Variants in EIF2B3 observed in about 807,000 individuals in gnomAD.
EIF2B3 encodes eukaryotic translation initiation factor 2B subunit gamma.
A neutral mutation model predicts 54.1 loss-of-function variants in EIF2B3; 20 were observed. The observed-to-expected ratio is 0.37, with a 90% CI of 0.26 to 0.54. The LOEUF (loss-of-function observed/expected upper bound fraction) is 0.54. Ranked by LOEUF, EIF2B3 falls within the 20% of genes least tolerant of loss-of-function variation. The probability of loss-of-function intolerance (pLI) is 0.86; values close to 1 mark genes in which losing one functional copy is unlikely to be tolerated. For missense variants in EIF2B3, 448 were observed against 547.8 expected (o/e 0.82, Z 1.82); for synonymous variants, 153 against 188.1 (o/e 0.81, Z 1.52).
intron 5 of EIF2B3, among the ~76,000 whole-genome samples, chr1:44,923,865 A>G (rs1643799883): frequency 6.6e-6 from 1 of 151,190 alleles, no homozygotes; most frequent in Non-Finnish European, 1.5e-5. Flanking sequence ...GTGCAGTAGT[A>G]CAATCATGGC....
At chr1:44,871,756 G>C (rs1017863049) in intron 10 of EIF2B3, among the ~76,000 whole-genome samples, 1 of 152,136 alleles carries the variant, frequency 6.6e-6, no homozygotes, top group African/African-American at 2.4e-5. Context: ...TGGTTAGTGG[G>C]ACAGATTATT....
intron 3 of EIF2B3, 125 bp from the exon 4 acceptor site, chr1:44,941,790 T>C: frequency 2.6e-6 from 3 of 1,135,784 alleles, no homozygotes; most frequent in South Asian, 2.5e-5. Context: ...GCATTTTTCA[T>C]AGCCAAACAA....
intron 3 of EIF2B3, among the ~76,000 whole-genome samples, chr1:44,972,232 T>TACACAC (rs201511100): frequency 8.2e-6 from 1 of 121,762 alleles, no homozygotes; most frequent in African/African-American, 3.1e-5. Context: ...TAAAAAAAAA[T>TACACAC]ACACACACAC....
chr1:44,970,489 T>C (rs1029376251), intron 3 of EIF2B3, among the ~76,000 whole-genome samples: 4 of 152,104 alleles, frequency 2.6e-5, no homozygotes, highest in Admixed American at 1.3e-4. Flanking sequence ...TAAAATCTTA[T>C]TGGAAACAGA....
chr1:44,865,216 T>TTAAAAAAA (rs1452928949), intron 10 of EIF2B3, among the ~76,000 whole-genome samples: 1 of 140,104 alleles, frequency 7.1e-6, no homozygotes, highest in Non-Finnish European at 1.6e-5. Context: ...GACTCCATCT[T>TTAAAAAAA]AAAAAAAAAA....
intron 3 of EIF2B3, among the ~76,000 whole-genome samples, chr1:44,950,717 C>A (rs1364026728): frequency 6.6e-6 from 1 of 152,062 alleles, no homozygotes; most frequent in African/African-American, 2.4e-5. Flanking sequence ...AGACAAGAGT[C>A]TTGCTCTATC....
intron 8 of EIF2B3, 60 bp downstream of exon 8, chr1:44,879,758 C>T (rs1340107768): frequency 6.3e-7 from 1 of 1,577,180 alleles, no homozygotes; most frequent in African/African-American, 1.3e-5. Flanking sequence ...AAGAAACAGA[C>T]AAGTGGCTCA....
chr1:44,855,089 C>CA (rs111960773), intron 11 of EIF2B3, among the ~76,000 whole-genome samples: 10,094 of 95,060 alleles, frequency 0.11, 1,204 homozygotes, highest in African/African-American at 0.32. Flanking sequence ...GGCTCAGTCT[C>CA]AAAAAAAAAA....
At chr1:44,887,639 A>T (rs2148909255) in intron 6 of EIF2B3, among the ~76,000 whole-genome samples, 1 of 152,334 alleles carries the variant, frequency 6.6e-6, no homozygotes, top group African/African-American at 2.4e-5. Context: ...CAATATTTTT[A>T]TTTAAAGACT....
intron 3 of EIF2B3, among the ~76,000 whole-genome samples, chr1:44,948,782 G>C (rs1246640253): frequency 6.6e-6 from 1 of 152,024 alleles, no homozygotes; most frequent in African/African-American, 2.4e-5. Context: ...TTCAAAATAT[G>C]ACTCCACCTA....
intron 4 of EIF2B3, among the ~76,000 whole-genome samples, chr1:44,930,869 G>A (rs961365004): frequency 2.6e-5 from 4 of 152,130 alleles, no homozygotes; most frequent in African/African-American, 9.7e-5. Context: ...TCGAACTCCT[G>A]ACCTCAGGTG....
At chr1:44,954,864 C>T (rs1644205427) in intron 3 of EIF2B3, among the ~76,000 whole-genome samples, 1 of 152,042 alleles carries the variant, frequency 6.6e-6, no homozygotes, top group South Asian at 2.1e-4. Context: ...GTGGGTTTGT[C>T]ATAAATAGCT....
chr1:44,920,860 A>C (rs1035749475), intron 5 of EIF2B3, among the ~76,000 whole-genome samples: 9 of 152,186 alleles, frequency 5.9e-5, no homozygotes, highest in African/African-American at 2.2e-4. Context: ...TAGGAACGCA[A>C]ATATCTCTTC....
intron 3 of EIF2B3, among the ~76,000 whole-genome samples, chr1:44,953,407 T>G (rs1644189800): frequency 6.6e-6 from 1 of 152,194 alleles, no homozygotes; most frequent in African/African-American, 2.4e-5. Flanking sequence ...CCATTCTCTC[T>G]AATCAGGCTT....
chr1:44,852,449 C>T (rs552892276), intron 11 of EIF2B3, among the ~76,000 whole-genome samples: 1 of 152,178 alleles, frequency 6.6e-6, no homozygotes, highest in East Asian at 1.9e-4. Flanking sequence ...ATCTCTATTC[C>T]TACATCATTA....
chr1:44,903,635 T>C (rs967239782), intron 5 of EIF2B3, among the ~76,000 whole-genome samples: 18 of 152,228 alleles, frequency 1.2e-4, no homozygotes, highest in Non-Finnish European at 2.2e-4. Flanking sequence ...CTGAAATTCA[T>C]CTAGACACCC....
intron 6 of EIF2B3, among the ~76,000 whole-genome samples, chr1:44,882,076 C>T (rs773891790): frequency 6.6e-6 from 1 of 152,206 alleles, no homozygotes; most frequent in Non-Finnish European, 1.5e-5. Context: ...TTTCAGTGTT[C>T]TCTCACACTG....
At chr1:44,924,724 A>G (rs958304567) in intron 5 of EIF2B3, among the ~76,000 whole-genome samples, 1 of 151,936 alleles carries the variant, frequency 6.6e-6, no homozygotes, top group African/African-American at 2.4e-5. Context: ...CCTCTTTTTT[A>G]TCATCTCATT....
intron 3 of EIF2B3, among the ~76,000 whole-genome samples, chr1:44,956,062 C>T (rs1049068206): frequency 6.6e-6 from 1 of 152,154 alleles, no homozygotes; most frequent in African/African-American, 2.4e-5. Flanking sequence ...GACACATGCA[C>T]ACGTATGTTT....
Sources: gnomAD v4.1 joint callset for allele counts (sites outside exome capture counted in the v4.1 genomes callset) on GRCh38, gnomAD v4.1.1 for gene constraint, MANE v1.5 for transcripts, NCBI Gene and HGNC (gene_info 2026-07-23, HGNC 2026-07-21) for gene names.